The following HEXA variants were observed in gnomAD, a reference collection of about 807,000 sequenced individuals.
The protein encoded by HEXA is beta-hexosaminidase subunit alpha.
Under a neutral mutation model 73.3 loss-of-function variants are expected in HEXA, and 54 were observed. The ratio of observed to expected loss-of-function variants is 0.74; its 90% confidence interval spans 0.59 to 0.92. HEXA has a LOEUF of 0.92. Ranked by LOEUF, HEXA falls within the 40% of genes least tolerant of loss-of-function variation. The pLI is 0.00. For missense variants in HEXA, 649 were observed against 653.0 expected (o/e 0.99, Z 0.07); for synonymous variants, 230 against 246.9 (o/e 0.93, Z 0.64).
Position 72,356,514 on chromosome 15 carries a change from A to G in HEXA, c.346+11T>C. On this transcript the variant is annotated intron_variant, in intron 2 of 13. Transcript: ENST00000268097. ...TTGCTCTTCTAAGACAGGGAACAGG[A>G]TGGTACTTACAATTCTCCACTGACT... 6.2e-7 allele frequency: 1 copy of G among 1,613,916 alleles called. No homozygotes were observed. Among genetic ancestry groups the G allele is most frequent in the Non-Finnish European group, 8.5e-7 (1 of 1,179,924 alleles).
chr15:72,345,567 A>C lies in HEXA; in HGVS notation c.1422-17T>G. ...GCTCTGGGCCTGGAGGAAAAGGGGC[A>C]TGTGCCAGATTGGGCCCTGTATTCC... On this transcript the variant is annotated splice_polypyrimidine_tract_variant and intron_variant, in intron 12 of 13. Transcript: ENST00000268097. 1 of 1,613,898 alleles carries C rather than the reference A, an allele frequency of 6.2e-7. No homozygotes were observed. Among genetic ancestry groups the C allele is most frequent in the Non-Finnish European group, 8.5e-7 (1 of 1,179,936 alleles).
intron 7 of HEXA, chr15:72,350,265 C>T: frequency 2.0e-6 from 1 of 498,912 alleles, no homozygotes; most frequent in South Asian, 2.0e-5. Flanking sequence ...CCACTCTAGG[C>T]ACAACTACCT....
At position 72,361,613 on chromosome 15, in the gene HEXA, A is replaced by G. The variant is rs192441882; in HGVS notation, c.254-4996T>C. Among the ~76,000 whole-genome samples the G allele has an allele frequency of 1.2e-3, 188 of 152,282 alleles. 1 individual carries two copies. The highest frequency in any genetic ancestry group is 4.1e-3 in the African/African-American group (171 of 41,560). On this transcript the variant is annotated intron_variant, in intron 1 of 13. Transcript: ENST00000268097. ...CTGGCTGATCCTCTCTCTCACTTTG[A>G]TAACAGCCCCATCTATTCACCTATA...
In HEXA at chr15:72,351,103, A is replaced by C. The variant is rs117160567; in HGVS notation, c.672+30T>G. On this transcript the variant is annotated intron_variant, in intron 6 of 13. Transcript: ENST00000268097. ...CAGCCAGATTCAGACATTGACCCATAAACTTGGTCTGAGTGAAACGGGAAC... is the reference window on the plus strand; with the variant it reads ...CAGCCAGATTCAGACATTGACCCATCAACTTGGTCTGAGTGAAACGGGAAC... The C allele has an allele frequency of 0.023, 31,630 of 1,390,626 alleles. 478 individuals carry two copies. Among genetic ancestry groups the C allele is most frequent in the South Asian group, 0.047 (4,053 of 86,522 alleles). The allele number at this position is 1,390,626 out of a possible 1,614,324, so 86.1% of individuals were successfully genotyped here.
At position 72,375,934 on chromosome 15, in the gene HEXA, C is replaced by T. The variant is rs1274526850; in HGVS notation, c.39G>A (p.Ala13=). 1.9e-6 allele frequency: 3 copies of T among 1,614,124 alleles called. No individual in the cohort carries two copies. The highest frequency in any genetic ancestry group is 2.5e-6 in the Non-Finnish European group (3 of 1,180,034). Residue 13 remains alanine, a synonymous_variant, in exon 1 of 14, where the codon GCG becomes GCA. Transcript: ENST00000268097. ...CCGTCGCCCGTCCTGCGAACGCTGCCGCCAGCAGCAGCGAAAACCAAAGCC... is the reference window on the plus strand; with the variant it reads ...CCGTCGCCCGTCCTGCGAACGCTGCTGCCAGCAGCAGCGAAAACCAAAGCC... The part of the protein sequence containing the change: ...SSRLWFSLLL[A]AAFAGRATAL...
intron 1 of HEXA, among the ~76,000 whole-genome samples, chr15:72,360,737 T>C (rs2088842500): frequency 6.6e-6 from 1 of 152,198 alleles, no homozygotes; most frequent in Non-Finnish European, 1.5e-5. Flanking sequence ...CAGATCTGGA[T>C]TCAAATCTTG....
At chr15:72,363,504 C>A (rs2088878668) in intron 1 of HEXA, among the ~76,000 whole-genome samples, 1 of 152,132 alleles carries the variant, frequency 6.6e-6, no homozygotes, top group Non-Finnish European at 1.5e-5. Context: ...GAAGTCAAGG[C>A]CAACCTTGTC....
chr15:72,344,278 A>G, intron 13 of HEXA, 138 bp from the exon 14 acceptor site: 1 of 700,758 alleles, frequency 1.4e-6, no homozygotes, highest in East Asian at 2.8e-5. Flanking sequence ...TGCACCTGGG[A>G]ATCTCAATTC....
At chr15:72,356,439 C>G in intron 2 of HEXA, 86 bp downstream of exon 2, 2 of 1,442,204 alleles carry the variant, frequency 1.4e-6, no homozygotes, top group Middle Eastern at 1.7e-4. Flanking sequence ...CCAGGCCGAG[C>G]ATCAGCAGTT....
chr15:72,350,771 C>A (rs2140324399), intron 6 of HEXA, 121 bp from the exon 7 acceptor site: 1 of 1,062,936 alleles, frequency 9.4e-7, no homozygotes, highest in Non-Finnish European at 1.4e-6. Flanking sequence ...CCTTTGGTGT[C>A]AGGGACTATC....
At chr15:72,356,738 C>A in intron 1 of HEXA, 121 bp from the exon 2 acceptor site, 1 of 1,459,382 alleles carries the variant, frequency 6.9e-7, no homozygotes, top group South Asian at 1.2e-5. Flanking sequence ...GAGGACATGG[C>A]ATTTACCCTT....
chr15:72,358,069 A>C (rs888899197), intron 1 of HEXA: 2 of 152,474 alleles, frequency 1.3e-5, no homozygotes, highest in African/African-American at 4.8e-5. Flanking sequence ...CAGAATCTGC[A>C]GGGCCATCCA....
rs1595795052 is a variant in HEXA at position 72,343,357 on chromosome 15, T to G, written c.*720A>C. 1 of 152,364 alleles carries G rather than the reference T, an allele frequency of 6.6e-6. No individual in the cohort carries two copies. Among genetic ancestry groups the G allele is most frequent in the East Asian group, 1.9e-4 (1 of 5,182 alleles). The allele number at this position is 152,364 out of a possible 1,614,324, so 9.4% of individuals were successfully genotyped here. A position where few individuals can be genotyped will look rare whatever the true frequency, so the allele number is the denominator to read the frequency against. On this transcript the variant is annotated 3_prime_UTR_variant, in exon 14 of 14. Transcript: ENST00000268097. ...CTGCAGTGAGCCAAGATTGTGCCAC[T>G]GCACTGTCAGCCTGGGCGACAGAGT... is the stretch of plus-strand genomic sequence containing the variant.
At position 72,346,688 on chromosome 15, in the gene HEXA, T is replaced by C. The variant is rs1567296048; in HGVS notation, c.1169A>G (p.Gln390Arg). 1 of 1,614,114 alleles carries C rather than the reference T, an allele frequency of 6.2e-7. No individual in the cohort carries two copies. The highest frequency in any genetic ancestry group is 1.7e-5 in the Admixed American group (1 of 60,024). ...CACTGGAATATCCTCTCGCCACACC[T>C]GTATGATTGTGTCTGGCTGAATCTG... ...KVKIQPDTII[Q>R]VWREDIPVNY... is the part of the protein sequence containing the mutation. Residue 390 changes from glutamine to arginine, a missense_variant, in exon 11 of 14, where the codon CAG becomes CGG. Transcript: ENST00000268097.
rs538103580 is a variant in HEXA at position 72,342,865 on chromosome 15, C to A, written c.*1212G>T. 1 of 151,974 alleles carries A rather than the reference C, an allele frequency of 6.6e-6. No individual in the cohort carries two copies. Among genetic ancestry groups the A allele is most frequent in the East Asian group, 1.9e-4 (1 of 5,156 alleles). The allele number at this position is 151,974 out of a possible 1,614,324, so 9.4% of individuals were successfully genotyped here. A position where few individuals can be genotyped will look rare whatever the true frequency, so the allele number is the denominator to read the frequency against. On this transcript the variant is annotated 3_prime_UTR_variant, in exon 14 of 14. Transcript: ENST00000268097. ...ACTTTGGGAGGCCAAGACAAGTGAA[C>A]ATCTGAGGTCATGAGTTCAAGACCA...
intron 1 of HEXA, among the ~76,000 whole-genome samples, chr15:72,373,978 T>C (rs573562151): frequency 6.3e-5 from 9 of 142,750 alleles, no homozygotes; most frequent in African/African-American, 2.1e-4. Context: ...AGCCTCAGTG[T>C]AGGCTGAGTG....
At chr15:72,353,256 C>T (rs556888199) in intron 4 of HEXA, 78 bp from the exon 5 acceptor site, 1 of 864,444 alleles carries the variant, frequency 1.2e-6, no homozygotes, top group Middle Eastern at 2.2e-4. Context: ...AGACAACTCT[C>T]CCAGGATTCT....
chr15:72,375,743 G>A lies in HEXA; in HGVS notation c.230C>T (p.Ser77Phe), dbSNP rs2089055459. 1.2e-6 allele frequency: 2 copies of A among 1,614,212 alleles called. No individual in the cohort carries two copies. The highest frequency in any genetic ancestry group is 2.7e-5 in the African/African-American group (2 of 75,070). The change falls in exon 1 of 14, where the codon TCT becomes TTT. Residue 77 changes from serine to phenylalanine, a missense_variant. Physicochemically the swap from Ser to Phe is radical, Grantham distance 155. Transcript: ENST00000268097. ...RYRDLLFGSG[S>F]WPRPYLTGKR... ...ACCTGTGAGGTAAGGACGGGGCCAA[G>A]ACCCGGAACCGAAAAGCAGGTCACG... is the stretch of plus-strand genomic sequence containing the variant.
intron 1 of HEXA, among the ~76,000 whole-genome samples, chr15:72,373,059 A>T (rs560758008): frequency 6.6e-6 from 1 of 152,320 alleles, no homozygotes; most frequent in Admixed American, 6.5e-5. Flanking sequence ...TGAGACCGGG[A>T]GGCAGAGGTT....
Sources: allele counts gnomAD v4.1 joint callset (sites outside exome capture counted in the v4.1 genomes callset), GRCh38; gene constraint gnomAD v4.1.1; transcripts MANE v1.5; gene names NCBI Gene and HGNC (gene_info 2026-07-23, HGNC 2026-07-21).